The following ROS1 variants were observed in gnomAD, a reference collection of about 807,000 sequenced individuals.
ROS1 encodes the protein proto-oncogene tyrosine-protein kinase ROS.
In ROS1, 263 loss-of-function variants were observed where a neutral mutation model predicts 273.5. The ratio of observed to expected loss-of-function variants is 0.96; its 90% confidence interval spans 0.87 to 1.06. ROS1 has a LOEUF of 1.06. ROS1 is among the 50% of genes least tolerant of loss of function. The pLI is 0.00. For synonymous variants in ROS1, 1,008 were observed against 954.1 expected (o/e 1.06, Z -1.04); for missense variants, 2,833 against 2,751.1 (o/e 1.03, Z -0.67).
At chr6:117,348,037 T>A (rs1228470811) in intron 27 of ROS1, among the ~76,000 whole-genome samples, 1 of 152,054 alleles carries the variant, frequency 6.6e-6, no homozygotes, top group African/African-American at 2.4e-5. Context: ...AAATTTTCTT[T>A]TCTTGTAATA....
intron 43 of ROS1, among the ~76,000 whole-genome samples, chr6:117,292,528 C>T (rs185601090): frequency 9.7e-4 from 148 of 152,246 alleles, no homozygotes; most frequent in African/African-American, 3.3e-3. Context: ...CCTCCTATAC[C>T]GGCTGCTCTC....
At chr6:117,296,584 T>G (rs1562245776) in intron 43 of ROS1, among the ~76,000 whole-genome samples, 1 of 152,132 alleles carries the variant, frequency 6.6e-6, no homozygotes, top group Non-Finnish European at 1.5e-5. Context: ...CTCATTTCTT[T>G]GTGAAATATA....
chr6:117,350,931 C>T (rs11962122), intron 27 of ROS1, among the ~76,000 whole-genome samples: 38,415 of 152,004 alleles, frequency 0.25, 7,177 homozygotes, highest in African/African-American at 0.52. Flanking sequence ...GCATATTAAT[C>T]ATAGTTGTTT....
intron 27 of ROS1, 84 bp downstream of exon 27, chr6:117,352,906 G>C (rs1250685941): frequency 7.9e-7 from 1 of 1,270,492 alleles, no homozygotes. Flanking sequence ...GGGCTAAAGG[G>C]ACAGCCTTGG....
chr6:117,369,978 T>C (rs1170591638), intron 18 of ROS1, among the ~76,000 whole-genome samples: 1 of 152,172 alleles, frequency 6.6e-6, no homozygotes, highest in Non-Finnish European at 1.5e-5. Context: ...TATATACATA[T>C]ATGTACATAC....
chr6:117,358,537 G>A (rs1209615244), intron 24 of ROS1, among the ~76,000 whole-genome samples: 1 of 151,786 alleles, frequency 6.6e-6, no homozygotes, highest in Non-Finnish European at 1.5e-5. Flanking sequence ...TTGGTTCACT[G>A]AAACCTTCGC....
chr6:117,343,828 C>T (rs1213034917), intron 28 of ROS1, among the ~76,000 whole-genome samples: 3 of 152,088 alleles, frequency 2.0e-5, no homozygotes, highest in Non-Finnish European at 4.4e-5. Flanking sequence ...ACTCAGAAAA[C>T]GGTTACCATG....
chr6:117,404,476 C>T (rs927341778), intron 5 of ROS1, 48 bp from the exon 6 acceptor site: 17 of 1,570,744 alleles, frequency 1.1e-5, no homozygotes, highest in East Asian at 2.3e-5. Flanking sequence ...TGTCCATCAG[C>T]GCAAGAGAGT....
rs1176359152 is a variant in ROS1 at position 117,373,046 on chromosome 6, C to A, written c.2582+6013G>T. On this transcript the variant is annotated intron_variant, in intron 18 of 43. Coordinates refer to ENST00000368507, the MANE Select transcript of ROS1 (RefSeq NM_001378902.1). ...GAGTGCTGATTGGTGTATTTGCAAT[C>A]CTTTAGCTAGACATAAAAGTTCTCC... Among the ~76,000 whole-genome samples, 4 of 152,198 alleles carry A rather than the reference C, an allele frequency of 2.6e-5. No individual in the cohort carries two copies. The East Asian group carries it at 7.7e-4, about 29-fold the overall frequency.
chr6:117,301,289 T>C (rs976959192), intron 42 of ROS1, 152 bp from the exon 43 acceptor site: 1 of 609,214 alleles, frequency 1.6e-6, no homozygotes, highest in Non-Finnish European at 2.7e-6. Flanking sequence ...TTTGATTTCT[T>C]ATTTAAGAGT....
chr6:117,374,166 A>G (rs1781123150), intron 18 of ROS1, among the ~76,000 whole-genome samples: 1 of 152,244 alleles, frequency 6.6e-6, no homozygotes, highest in African/African-American at 2.4e-5. Context: ...GAACCAAAAA[A>G]GAGCCCATAT....
chr6:117,304,477 CCTT>C (rs1258959226), intron 42 of ROS1, among the ~76,000 whole-genome samples: 1 of 152,148 alleles, frequency 6.6e-6, no homozygotes, highest in African/African-American at 2.4e-5. Context: ...AGTTGTCCCT[CCTT>C]ATCAGTTTTG....
At chr6:117,360,682 T>C (rs1009335867) in intron 22 of ROS1, among the ~76,000 whole-genome samples, 2 of 152,112 alleles carry the variant, frequency 1.3e-5, no homozygotes, top group African/African-American at 4.8e-5. Flanking sequence ...TGTCTGGGGA[T>C]TTAATGTACA....
chr6:117,392,120 A>G (rs1168434315), intron 12 of ROS1, among the ~76,000 whole-genome samples: 3 of 152,220 alleles, frequency 2.0e-5, no homozygotes, highest in Non-Finnish European at 2.9e-5. Flanking sequence ...GTTACATTTC[A>G]TAGGACCGTA....
In ROS1 at chr6:117,365,052, C is replaced by A. The variant is rs759976724; in HGVS notation, c.3103+8G>T. 1.4e-5 allele frequency: 23 copies of A among 1,612,598 alleles called. No individual in the cohort carries two copies. The highest frequency in any genetic ancestry group is 1.8e-5 in the Non-Finnish European group (21 of 1,179,460). On this transcript the variant is annotated splice_region_variant and intron_variant, in intron 21 of 43. Coordinates refer to ENST00000368507, the MANE Select transcript of ROS1 (RefSeq NM_001378902.1). Reference sequence around the variant, plus strand: ...TTTAAGAAAAAAGACAGATTTTAACCCCTGTACCTGTTTCAGGTGCTCGAA... The same window carrying A: ...TTTAAGAAAAAAGACAGATTTTAACACCTGTACCTGTTTCAGGTGCTCGAA...
rs145817277 is a variant in ROS1, at chr6:117,330,029, C to A, written c.5231-583G>T. On this transcript the variant is annotated intron_variant, in intron 32 of 43. Coordinates refer to ENST00000368507, the MANE Select transcript of ROS1 (RefSeq NM_001378902.1). ...TTTGAGCTCCTTGAGGGAGGGGCAGCAGCCAGCACTGGGACTCCCAACTGC... is the reference window on the plus strand; with the variant it reads ...TTTGAGCTCCTTGAGGGAGGGGCAGAAGCCAGCACTGGGACTCCCAACTGC... Among the ~76,000 whole-genome samples the A allele has an allele frequency of 8.0e-3, 1,212 of 152,284 alleles. 13 individuals are homozygous for A. Among genetic ancestry groups the A allele is most frequent in the African/African-American group, 0.028 (1,150 of 41,546 alleles).
chr6:117,404,500 A>G, intron 5 of ROS1, 72 bp from the exon 6 acceptor site: 1 of 1,364,402 alleles, frequency 7.3e-7, no homozygotes, highest in South Asian at 1.4e-5. Context: ...TGCCTCTCTC[A>G]TCTAGGGCTC....
chr6:117,311,964 C>T (rs1471997108), intron 39 of ROS1, among the ~76,000 whole-genome samples: 1 of 152,088 alleles, frequency 6.6e-6, no homozygotes, highest in African/African-American at 2.4e-5. Flanking sequence ...CTCCAGCCTC[C>T]TGTGCTTTTT....
At chr6:117,406,879 ACTC>A (rs1447273306) in intron 5 of ROS1, among the ~76,000 whole-genome samples, 1 of 152,070 alleles carries the variant, frequency 6.6e-6, no homozygotes, top group East Asian at 1.9e-4. Context: ...GCACTGCACA[ACTC>A]CTCCAATCTT....
Sources: allele counts gnomAD v4.1 joint callset (sites outside exome capture counted in the v4.1 genomes callset), GRCh38; gene constraint gnomAD v4.1.1; transcripts MANE v1.5; gene names NCBI Gene and HGNC (gene_info 2026-07-23, HGNC 2026-07-21).